Variants in LIPA observed in about 807,000 individuals in gnomAD.
The protein encoded by LIPA is lysosomal acid lipase/cholesteryl ester hydrolase.
Under a neutral mutation model 40.6 loss-of-function variants are expected in LIPA, and 26 were observed. That is an observed-to-expected ratio of 0.64 (90% CI 0.47 to 0.89). The LOEUF (loss-of-function observed/expected upper bound fraction) is 0.89. Among genes scored for constraint, LIPA ranks in the 40% least tolerant of loss-of-function variants. The pLI, the probability that LIPA is intolerant of heterozygous loss-of-function variation, is 0.00. For synonymous variants in LIPA, 188 were observed against 168.4 expected, an observed-to-expected ratio of 1.12 and a Z score of -0.90; for missense variants, 455 against 479.6, an observed-to-expected ratio of 0.95 and a Z score of 0.48.
intron 2 of LIPA, among the ~76,000 whole-genome samples, chr10:89,372,864 A>G (rs1232400650): frequency 6.6e-6 from 1 of 152,260 alleles, no homozygotes; most frequent in Non-Finnish European, 1.5e-5. Flanking sequence ...CAGACAGTCT[A>G]AAAACAACTT....
At chr10:89,406,938 A>T (rs1280021277) in intron 2 of LIPA, among the ~76,000 whole-genome samples, 1 of 152,134 alleles carries the variant, frequency 6.6e-6, no homozygotes, top group African/African-American at 2.4e-5. Context: ...TTTCCTTAGA[A>T]TTCGGGGGCT....
rs2900644 is a variant in LIPA at position 89,387,479 on chromosome 10, G to A, written c.61+25312C>T. Among the ~76,000 whole-genome samples the A allele has an allele frequency of 1.7e-3, 264 of 152,202 alleles. 1 individual carries two copies. Among genetic ancestry groups the A allele is most frequent in the African/African-American group, 6.2e-3 (256 of 41,532 alleles). On this transcript the variant is annotated intron_variant, in intron 2 of 8. Transcript: ENST00000371837. ...ATGCAATATGGGCCAGCGAAGAAGA[G>A]AGAAAAAATTGGAGGGTATATAAAA...
chr10:89,298,861 C>T (rs1253335940), intron 1 of LIPA, among the ~76,000 whole-genome samples: 1 of 151,890 alleles, frequency 6.6e-6, no homozygotes, highest in Non-Finnish European at 1.5e-5. Context: ...TGGTACATGC[C>T]TGTAATCCCA....
intron 2 of LIPA, among the ~76,000 whole-genome samples, chr10:89,247,222 A>T (rs1039296587): frequency 1.3e-5 from 2 of 151,808 alleles, no homozygotes; most frequent in African/African-American, 4.8e-5. Context: ...TACAAAAAAA[A>T]TTAGCCAGGC....
chr10:89,318,534 C>T (rs1843554389), intron 1 of LIPA, among the ~76,000 whole-genome samples: 1 of 152,122 alleles, frequency 6.6e-6, no homozygotes, highest in Non-Finnish European at 1.5e-5. Context: ...ATATATGCAC[C>T]CAACACAGGA....
At chr10:89,273,992 C>G (rs1233658551) in intron 1 of LIPA, among the ~76,000 whole-genome samples, 2 of 152,118 alleles carry the variant, frequency 1.3e-5, no homozygotes, top group Non-Finnish European at 2.9e-5. Context: ...CCCACAAAGC[C>G]GAAGAAAATA....
intron 2 of LIPA, among the ~76,000 whole-genome samples, chr10:89,376,667 T>C (rs1390327371): frequency 6.6e-6 from 1 of 152,190 alleles, no homozygotes; most frequent in Non-Finnish European, 1.5e-5. Context: ...TCCAACTGGA[T>C]TCGAAAATAA....
At chr10:89,293,683 AG>A (rs1843391237) in intron 1 of LIPA, 1 of 123,242 alleles carries the variant, frequency 8.1e-6, no homozygotes, top group Non-Finnish European at 1.7e-5. Flanking sequence ...GTGAGATGAG[AG>A]AGAGAGAGAG....
intron 1 of LIPA, chr10:89,305,826 A>G (rs1368904282): frequency 3.0e-6 from 2 of 661,940 alleles, no homozygotes; most frequent in East Asian, 2.6e-5. Context: ...AAAACATATT[A>G]TAGAAAGAAA....
At chr10:89,414,243 A>C (rs556496048) in intron 1 of LIPA, among the ~76,000 whole-genome samples, 2 of 152,306 alleles carry the variant, frequency 1.3e-5, no homozygotes, top group Non-Finnish European at 2.9e-5. Context: ...AAAAGACTGG[A>C]GTGGAAGCAG....
chr10:89,394,713 T>G (rs1035727987), intron 2 of LIPA, among the ~76,000 whole-genome samples: 2 of 151,268 alleles, frequency 1.3e-5, no homozygotes, highest in African/African-American at 4.9e-5. Flanking sequence ...TTTAATTACT[T>G]TAAAGTATAC....
chr10:89,267,495 C>T (rs1843242537), intron 1 of LIPA, among the ~76,000 whole-genome samples: 1 of 147,400 alleles, frequency 6.8e-6, no homozygotes, highest in African/African-American at 2.5e-5. Flanking sequence ...AACCAAACAC[C>T]GCATATTCTC....
intron 3 of LIPA, among the ~76,000 whole-genome samples, chr10:89,230,565 C>A (rs1161146422): frequency 6.6e-6 from 1 of 152,098 alleles, no homozygotes; most frequent in African/African-American, 2.4e-5. Flanking sequence ...CTCGGCTTCC[C>A]AAAGTGCGGG....
At chr10:89,389,438 A>C (rs1844230067) in intron 2 of LIPA, among the ~76,000 whole-genome samples, 1 of 152,204 alleles carries the variant, frequency 6.6e-6, no homozygotes, top group African/African-American at 2.4e-5. Context: ...GAGACAGAGA[A>C]GCCCAAGGAA....
intron 1 of LIPA, among the ~76,000 whole-genome samples, chr10:89,277,431 G>T (rs1843294555): frequency 6.6e-6 from 1 of 152,168 alleles, no homozygotes; most frequent in Non-Finnish European, 1.5e-5. Flanking sequence ...ACATCGGTAG[G>T]GATCAATAAA....
chr10:89,297,837 G>A (rs894970301), intron 1 of LIPA, among the ~76,000 whole-genome samples: 1 of 152,200 alleles, frequency 6.6e-6, no homozygotes, highest in Non-Finnish European at 1.5e-5. Context: ...TACTACCAGA[G>A]GCTGGGGCAG....
chr10:89,338,443 T>C (rs4934475), intron 1 of LIPA, among the ~76,000 whole-genome samples: 95,449 of 152,078 alleles, frequency 0.63, 32,596 homozygotes, highest in East Asian at 0.94. Flanking sequence ...GAATGGATAA[T>C]GCCCACCCAT....
intron 1 of LIPA, among the ~76,000 whole-genome samples, chr10:89,327,498 A>C (rs1039940280): frequency 4.6e-5 from 7 of 152,212 alleles, no homozygotes; most frequent in African/African-American, 1.7e-4. Flanking sequence ...TTGCAGTGAG[A>C]CGCAATCATG....
chr10:89,377,456 A>C (rs536406397), intron 2 of LIPA, among the ~76,000 whole-genome samples: 11 of 152,344 alleles, frequency 7.2e-5, no homozygotes, highest in African/African-American at 2.6e-4. Flanking sequence ...AGGCTCCACT[A>C]TAGCCAGGGT....
Sources: allele counts gnomAD v4.1 joint callset (sites outside exome capture counted in the v4.1 genomes callset), GRCh38; gene constraint gnomAD v4.1.1; transcripts MANE v1.5; gene names NCBI Gene and HGNC (gene_info 2026-07-23, HGNC 2026-07-21).